The following MDGA2 variants were observed in gnomAD, a reference collection of about 807,000 sequenced individuals.
MDGA2 encodes MAM domain containing glycosylphosphatidylinositol anchor 2, also known as MAM domain-containing glycosylphosphatidylinositol anchor protein 2.
MDGA2 carries 40 observed loss-of-function variants against 117.8 expected under a neutral mutation model. The ratio of observed to expected loss-of-function variants is 0.34; its 90% confidence interval spans 0.26 to 0.44. The LOEUF is 0.44. Among genes scored for constraint, MDGA2 ranks in the 20% least tolerant of loss-of-function variants. The pLI is 1.00. For missense variants in MDGA2, 1,123 were observed against 1,250.6 expected, an observed-to-expected ratio of 0.90 and a Z score of 1.54; for synonymous variants, 452 against 439.0, an observed-to-expected ratio of 1.03 and a Z score of -0.37.
intron 1 of MDGA2, among the ~76,000 whole-genome samples, chr14:47,356,790 G>A (rs1891003712): frequency 6.6e-6 from 1 of 152,082 alleles, no homozygotes; most frequent in South Asian, 2.1e-4. Context: ...TACCCTCCTT[G>A]CCTTTGACCT....
chr14:47,158,877 T>C (rs2139266475), intron 3 of MDGA2, among the ~76,000 whole-genome samples: 1 of 152,302 alleles, frequency 6.6e-6, no homozygotes, highest in South Asian at 2.1e-4. Context: ...AGAAGTGAGC[T>C]CTCAAGCCAT....
chr14:47,205,143 T>C (rs1885638832), intron 3 of MDGA2, among the ~76,000 whole-genome samples: 1 of 151,458 alleles, frequency 6.6e-6, no homozygotes, highest in South Asian at 2.1e-4. Flanking sequence ...CATATGTGTA[T>C]ATATATGTGC....
chr14:46,855,004 G>A lies in MDGA2; in HGVS notation c.2883+20C>T, dbSNP rs768776550. The A allele has an allele frequency of 7.6e-6, 12 of 1,576,710 alleles. No individual in the cohort carries two copies. The highest frequency in any genetic ancestry group is 1.4e-5 in the African/African-American group (1 of 72,788). On this transcript the variant is annotated intron_variant, in intron 15 of 16. Transcript: ENST00000399232. This position sits in a 1 kb window ranked among gnomAD's most constrained non-coding sequence, Gnocchi z 4.1. ...TATGCTCATTTACAGCAATTAATTA[G>A]CCAAAACTACTTTTCTTACCTGAAA...
chr14:47,263,777 C>A (rs1887877203), intron 2 of MDGA2, among the ~76,000 whole-genome samples: 1 of 152,064 alleles, frequency 6.6e-6, no homozygotes, highest in South Asian at 2.1e-4. Context: ...TTTAGCCATT[C>A]TTTATATCAA....
intron 3 of MDGA2, among the ~76,000 whole-genome samples, chr14:47,165,657 C>A (rs1393181250): frequency 6.6e-6 from 1 of 152,172 alleles, no homozygotes; most frequent in Non-Finnish European, 1.5e-5. Flanking sequence ...TTATATAAAT[C>A]AAAGTGGAAG....
intron 1 of MDGA2, among the ~76,000 whole-genome samples, chr14:47,507,665 A>T (rs1188784233): frequency 1.3e-5 from 2 of 152,200 alleles, no homozygotes; most frequent in African/African-American, 2.4e-5. Flanking sequence ...GATATAGGTA[A>T]TGCATTATTC....
intron 1 of MDGA2, among the ~76,000 whole-genome samples, chr14:47,668,531 G>A (rs1405171672): frequency 6.6e-6 from 1 of 152,132 alleles, no homozygotes; most frequent in Non-Finnish European, 1.5e-5. Context: ...AGGGCCAAAA[G>A]ATTATTAATT....
At chr14:47,674,375 A>G (rs1470694587) in intron 1 of MDGA2, 142 bp downstream of exon 1, 1 of 704,740 alleles carries the variant, frequency 1.4e-6, no homozygotes, top group Admixed American at 3.3e-5. Context: ...CTGCCTCTTT[A>G]TCGCTCCCAA....
chr14:47,674,662 G>A lies in MDGA2; in HGVS notation c.135C>T (p.Ala45=). 1 of 1,431,116 alleles carries A rather than the reference G, an allele frequency of 7.0e-7. No individual in the cohort carries two copies. Among genetic ancestry groups the A allele is most frequent in the Admixed American group, 2.0e-5 (1 of 50,764 alleles). The allele number at this position is 1,431,116 out of a possible 1,614,324, so 88.7% of individuals were successfully genotyped here. The change falls in exon 1 of 17, where the codon GCC becomes GCT. Residue 45 remains alanine, a synonymous_variant. Coordinates refer to ENST00000399232, the MANE Select transcript of MDGA2 (RefSeq NM_001113498.3). ...CCTTCAGGAGGCCGGCGGCCAGCCA[G>A]GCGCGCTCCACTCGCGCCCGGGCCA... ...LGLARARVER[A]WLAAGLLKVP...
intron 1 of MDGA2, among the ~76,000 whole-genome samples, chr14:47,496,770 T>G (rs1406289396): frequency 6.7e-6 from 1 of 150,212 alleles, no homozygotes; most frequent in African/African-American, 2.4e-5. Flanking sequence ...TACATTTTAC[T>G]ATAATATATA....
At chr14:47,073,923 G>A (rs1460184335) in intron 6 of MDGA2, among the ~76,000 whole-genome samples, 2 of 151,952 alleles carry the variant, frequency 1.3e-5, no homozygotes, top group Non-Finnish European at 2.9e-5. Flanking sequence ...TGAGGATGCC[G>A]GGTTGATCTT....
chr14:47,396,725 T>C (rs144190462), intron 1 of MDGA2, among the ~76,000 whole-genome samples: 109 of 152,264 alleles, frequency 7.2e-4, no homozygotes, highest in African/African-American at 2.4e-3. Flanking sequence ...CCAACAAGTA[T>C]ATGAAAAACA....
chr14:47,514,518 A>G (rs1246858798), intron 1 of MDGA2, among the ~76,000 whole-genome samples: 1 of 152,128 alleles, frequency 6.6e-6, no homozygotes, highest in African/African-American at 2.4e-5. Flanking sequence ...ATGTTTTTCC[A>G]TAAATCACAA....
intron 5 of MDGA2, among the ~76,000 whole-genome samples, chr14:47,102,675 C>A (rs1047543863): frequency 6.6e-6 from 1 of 152,104 alleles, no homozygotes; most frequent in Non-Finnish European, 1.5e-5. Context: ...TCAAGGGCAC[C>A]GCAAAGCTCT....
intron 6 of MDGA2, among the ~76,000 whole-genome samples, chr14:47,076,558 T>TTG (rs1211264252): frequency 1.2e-4 from 10 of 84,146 alleles, no homozygotes; most frequent in Admixed American, 3.9e-4. Flanking sequence ...TGAGTGTGTG[T>TTG]TATGTGTGTG....
chr14:46,894,392 T>C (rs1035365369), intron 10 of MDGA2, among the ~76,000 whole-genome samples: 5 of 151,998 alleles, frequency 3.3e-5, no homozygotes, highest in African/African-American at 4.8e-5. Flanking sequence ...GTGTGCTTTA[T>C]TTACATTCCT....
intron 1 of MDGA2, among the ~76,000 whole-genome samples, chr14:47,416,779 A>T (rs1312833567): frequency 2.6e-5 from 4 of 152,090 alleles, no homozygotes; most frequent in Admixed American, 6.6e-5. Flanking sequence ...CTGTGCCCCC[A>T]CCTTGGCCTA....
chr14:47,061,983 C>T (rs1889900275), intron 6 of MDGA2, among the ~76,000 whole-genome samples: 1 of 151,914 alleles, frequency 6.6e-6, no homozygotes, highest in Non-Finnish European at 1.5e-5. Flanking sequence ...TATGTCACTA[C>T]TTAGTTATTG....
At chr14:47,045,381 A>C (rs548483052) in intron 7 of MDGA2, among the ~76,000 whole-genome samples, 2 of 152,240 alleles carry the variant, frequency 1.3e-5, no homozygotes, top group South Asian at 4.1e-4. Context: ...AGAATGTCCT[A>C]AACTCTTTGG....
Sources: allele counts gnomAD v4.1 joint callset (sites outside exome capture counted in the v4.1 genomes callset), GRCh38; gene constraint gnomAD v4.1.1; non-coding constraint Gnocchi (gnomAD v3.1); transcripts MANE v1.5; gene names NCBI Gene and HGNC (gene_info 2026-07-23, HGNC 2026-07-21).